Variants in NPAS3 observed in about 807,000 individuals in gnomAD.
NPAS3 encodes the protein neuronal PAS domain protein 3.
A neutral mutation model predicts 73.1 loss-of-function variants in NPAS3; 14 were observed. That is an observed-to-expected ratio of 0.19 (90% confidence interval 0.13 to 0.30). The LOEUF is 0.30. NPAS3 is among the 10% of genes least tolerant of loss of function. NPAS3 has a pLI of 1.00. For missense variants in NPAS3, 1,096 were observed against 1,250.0 expected (o/e 0.88, Z 1.86); for synonymous variants, 620 against 541.5 (o/e 1.14, Z -2.01).
chr14:33,481,145 T>C (rs1031817245), intron 4 of NPAS3, among the ~76,000 whole-genome samples: 27 of 152,148 alleles, frequency 1.8e-4, no homozygotes, highest in African/African-American at 6.3e-4. Flanking sequence ...ATAAGCACAA[T>C]GCTTAGGAAT....
chr14:33,787,699 T>G (rs1410530042), intron 9 of NPAS3, among the ~76,000 whole-genome samples: 1 of 151,978 alleles, frequency 6.6e-6, no homozygotes, highest in South Asian at 2.1e-4. Context: ...CTGCACAGCA[T>G]CAAAGCCTCG....
At chr14:33,382,267 T>C (rs1475401708) in intron 4 of NPAS3, among the ~76,000 whole-genome samples, 5 of 152,202 alleles carry the variant, frequency 3.3e-5, no homozygotes, top group Non-Finnish European at 7.3e-5. Context: ...TTTTATTTTC[T>C]TACTGACACC....
intron 4 of NPAS3, among the ~76,000 whole-genome samples, chr14:33,444,884 C>T (rs560519728): frequency 6.6e-6 from 1 of 152,386 alleles, no homozygotes; most frequent in East Asian, 1.9e-4. Flanking sequence ...TAGTCTAATG[C>T]TTGAGGTTCC....
At chr14:33,596,710 C>G (rs554855530) in intron 5 of NPAS3, among the ~76,000 whole-genome samples, 2 of 152,342 alleles carry the variant, frequency 1.3e-5, no homozygotes, top group Admixed American at 1.3e-4. Context: ...GAGAACACCA[C>G]TGCTGTTTCT....
intron 6 of NPAS3, among the ~76,000 whole-genome samples, chr14:33,714,765 C>G (rs2060914856): frequency 6.6e-6 from 1 of 152,170 alleles, no homozygotes. Context: ...CTTACAATCA[C>G]TGTCATCCAA....
At chr14:33,143,360 G>A (rs1447238875) in intron 2 of NPAS3, among the ~76,000 whole-genome samples, 3 of 151,280 alleles carry the variant, frequency 2.0e-5, no homozygotes, top group African/African-American at 7.3e-5. Context: ...GCATGGCAGC[G>A]CATGCCTGTA....
chr14:33,697,030 A>G (rs921895913), intron 6 of NPAS3, among the ~76,000 whole-genome samples: 7 of 152,210 alleles, frequency 4.6e-5, no homozygotes, highest in Non-Finnish European at 1.5e-5. Context: ...TTTCTGAGCT[A>G]TAGAAGAAAG....
At chr14:33,691,607 A>G (rs533040840) in intron 6 of NPAS3, among the ~76,000 whole-genome samples, 12 of 152,354 alleles carry the variant, frequency 7.9e-5, no homozygotes, top group Non-Finnish European at 1.2e-4. Flanking sequence ...AATACCTCAT[A>G]ACTAAGAATT....
At chr14:33,202,808 C>T (rs889616126) in intron 2 of NPAS3, among the ~76,000 whole-genome samples, 1 of 151,482 alleles carries the variant, frequency 6.6e-6, no homozygotes, top group African/African-American at 2.4e-5. Context: ...CATTAGTCTG[C>T]ATTATTTCAA....
Position 33,379,961 on chromosome 14 carries a change from T to C in NPAS3, c.468+12693T>C, listed in dbSNP as rs2046468618. 3.6e-5 allele frequency among the ~76,000 whole-genome samples: 5 copies of C among 139,484 alleles called. No individual in the cohort carries two copies. The Admixed American group carries it at 3.9e-4, about 11-fold the overall frequency. The allele number at this position is 139,484 out of a possible 152,430, so 91.5% of individuals were successfully genotyped here. A position where few individuals can be genotyped will look rare whatever the true frequency, so the allele number is the denominator to read the frequency against. Reference sequence around the variant, plus strand: ...AGACAAAGATTATTACAGAAGAATCTTAAGTAGTTATCCCTCGTGTGTGTG... The same window carrying C: ...AGACAAAGATTATTACAGAAGAATCCTAAGTAGTTATCCCTCGTGTGTGTG... On this transcript the variant is annotated intron_variant, in intron 4 of 11. Transcript: ENST00000356141.
chr14:33,119,673 A>G (rs976493520), intron 2 of NPAS3, among the ~76,000 whole-genome samples: 1 of 152,140 alleles, frequency 6.6e-6, no homozygotes, highest in Non-Finnish European at 1.5e-5. Flanking sequence ...CAGGAAAATG[A>G]TGAAAGGAAA....
chr14:33,382,879 C>T (rs1034354775), intron 4 of NPAS3, among the ~76,000 whole-genome samples: 1 of 151,870 alleles, frequency 6.6e-6, no homozygotes, highest in African/African-American at 2.4e-5. Flanking sequence ...TTGCTTCAGC[C>T]CAGTAGTTTC....
intron 4 of NPAS3, among the ~76,000 whole-genome samples, chr14:33,444,865 C>G (rs1807362387): frequency 6.6e-6 from 1 of 152,264 alleles, no homozygotes; most frequent in South Asian, 2.1e-4. Flanking sequence ...GAATGTTACT[C>G]CCAACAGATA....
At chr14:33,192,854 G>A (rs1327802867) in intron 2 of NPAS3, among the ~76,000 whole-genome samples, 1 of 152,154 alleles carries the variant, frequency 6.6e-6, no homozygotes, top group African/African-American at 2.4e-5. Context: ...TAAAGTTTTA[G>A]CCCATTTGCT....
intron 3 of NPAS3, among the ~76,000 whole-genome samples, chr14:33,284,778 AT>A (rs2041800314): frequency 8.8e-6 from 1 of 113,880 alleles, no homozygotes; most frequent in East Asian, 6.4e-4. Context: ...CTATCTATCT[AT>A]CTATCTATCT....
At chr14:33,295,927 G>A (rs919638799) in intron 3 of NPAS3, among the ~76,000 whole-genome samples, 2 of 152,194 alleles carry the variant, frequency 1.3e-5, no homozygotes, top group Admixed American at 6.5e-5. Flanking sequence ...TGGTACCCCT[G>A]TATAAATGTA....
intron 1 of NPAS3, among the ~76,000 whole-genome samples, chr14:33,041,875 G>T (rs771349254): frequency 1.3e-5 from 2 of 152,128 alleles, no homozygotes; most frequent in Non-Finnish European, 2.9e-5. Context: ...AGTCATGACG[G>T]GTGAGGAGTC....
chr14:33,460,552 C>A (rs1004802023), intron 4 of NPAS3, among the ~76,000 whole-genome samples: 1 of 152,146 alleles, frequency 6.6e-6, no homozygotes, highest in Non-Finnish European at 1.5e-5. Flanking sequence ...TTTCTGAATT[C>A]TAAACTTTCC....
At chr14:32,960,239 C>G (rs10135500) in intron 1 of NPAS3, among the ~76,000 whole-genome samples, 100,126 of 151,920 alleles carry the variant, frequency 0.66, 34,634 homozygotes, top group African/African-American at 0.8. Context: ...ATTCCTTACA[C>G]TGATTACCAA....
Sources: allele counts gnomAD v4.1 joint callset (sites outside exome capture counted in the v4.1 genomes callset), GRCh38; gene constraint gnomAD v4.1.1; transcripts MANE v1.5; gene names NCBI Gene and HGNC (gene_info 2026-07-23, HGNC 2026-07-21).